Variants in SLC6A11 observed in about 807,000 individuals in gnomAD.
SLC6A11 encodes solute carrier family 6 member 11.
Under a neutral mutation model 74.8 loss-of-function variants are expected in SLC6A11, and 25 were observed. That is an observed-to-expected ratio of 0.33 (90% confidence interval 0.24 to 0.47). The LOEUF is 0.47. SLC6A11 is among the 20% of genes least tolerant of loss of function. SLC6A11 has a pLI of 1.00. For missense variants in SLC6A11, 574 were observed against 837.0 expected (o/e 0.69, Z 3.88); for synonymous variants, 330 against 330.2 (o/e 1.00, Z 0.01).
At chr3:10,927,510 C>G (rs1695625114) in intron 9 of SLC6A11, among the ~76,000 whole-genome samples, 1 of 152,246 alleles carries the variant, frequency 6.6e-6, no homozygotes, top group Non-Finnish European at 1.5e-5. Context: ...AACTGAGGTT[C>G]AGAGATACTG....
chr3:10,861,728 C>T (rs6795890), intron 5 of SLC6A11, among the ~76,000 whole-genome samples: 11,418 of 152,058 alleles, frequency 0.075, 544 homozygotes, highest in African/African-American at 0.14. Flanking sequence ...GGGATGGCTG[C>T]CAAGTAGAGA....
At position 10,905,768 on chromosome 3, in the gene SLC6A11, A is replaced by G. The variant is rs1575697212; in HGVS notation, c.892-6322A>G. Among the ~76,000 whole-genome samples the G allele has an allele frequency of 3.3e-5, 5 of 152,252 alleles. No individual in the cohort carries two copies. In the South Asian group the frequency reaches 8.3e-4, roughly 25 times the overall value. On this transcript the variant is annotated intron_variant, in intron 6 of 13. Coordinates refer to ENST00000254488, the MANE Select transcript of SLC6A11 (RefSeq NM_014229.3). ...TGCAGACTCCATGTAAAGACATCCC[A>G]TGGTTCTTCATGGGATGTTTTCAAG...
intron 4 of SLC6A11, among the ~76,000 whole-genome samples, chr3:10,835,443 T>G (rs7617750): frequency 0.043 from 6,496 of 152,302 alleles, 477 homozygotes; most frequent in African/African-American, 0.15. Flanking sequence ...CACCTTCCCC[T>G]TATGCACTTT....
chr3:10,851,476 A>AT (rs1694575278), intron 5 of SLC6A11, among the ~76,000 whole-genome samples: 1 of 151,536 alleles, frequency 6.6e-6, no homozygotes, highest in Non-Finnish European at 1.5e-5. Flanking sequence ...CCTTGAATTG[A>AT]TTTTTTTCTT....
At chr3:10,892,569 C>CT (rs538633528) in intron 6 of SLC6A11, among the ~76,000 whole-genome samples, 8,609 of 137,910 alleles carry the variant, frequency 0.062, 679 homozygotes, top group African/African-American at 0.18. Context: ...CACTGTCTTC[C>CT]TTTTTTTTTT....
At chr3:10,910,624 C>A (rs903470341) in intron 6 of SLC6A11, among the ~76,000 whole-genome samples, 5 of 151,988 alleles carry the variant, frequency 3.3e-5, no homozygotes, top group African/African-American at 1.2e-4. Context: ...ACACCACAGG[C>A]CTTCTGAGGC....
intron 5 of SLC6A11, among the ~76,000 whole-genome samples, chr3:10,856,326 G>A (rs1190821351): frequency 6.6e-6 from 1 of 152,220 alleles, no homozygotes; most frequent in Admixed American, 6.5e-5. Flanking sequence ...ATGATGGGAA[G>A]AGCAAGTCCC....
At chr3:10,912,280 C>G in intron 7 of SLC6A11, 87 bp downstream of exon 7, 1 of 887,310 alleles carries the variant, frequency 1.1e-6, no homozygotes, top group Non-Finnish European at 1.9e-6. Flanking sequence ...TGTCTGCCCA[C>G]CTTGCAGGGC....
chr3:10,902,847 G>A (rs555022181), intron 6 of SLC6A11, among the ~76,000 whole-genome samples: 5 of 152,264 alleles, frequency 3.3e-5, no homozygotes, highest in Non-Finnish European at 5.9e-5. Flanking sequence ...GACTCCTCAC[G>A]CTGGCCAGTG....
At chr3:10,833,851 A>C (rs186416900) in intron 4 of SLC6A11, among the ~76,000 whole-genome samples, 1 of 152,382 alleles carries the variant, frequency 6.6e-6, no homozygotes, top group Admixed American at 6.5e-5. Flanking sequence ...AAAATTAGCC[A>C]GACGGGTATT....
rs1221845443 is a variant in SLC6A11 at position 10,915,962 on chromosome 3, G to A, written c.996-2367G>A. ...AGCAAAAGCATGGGCTTTGATCTAT[G>A]TGACTCATCTCCCTCAGCCTCAGGA... On this transcript the variant is annotated intron_variant, in intron 7 of 13. Transcript: ENST00000254488. The surrounding 1 kb of genome is among the most constrained non-coding windows in gnomAD (Gnocchi z 4.3). 1.3e-5 allele frequency among the ~76,000 whole-genome samples: 2 copies of A among 152,194 alleles called. No homozygotes were observed. The highest frequency in any genetic ancestry group is 2.4e-5 in the African/African-American group (1 of 41,450).
At position 10,823,312 on chromosome 3, in the gene SLC6A11, G is replaced by T. The variant is rs1694161452; in HGVS notation, c.543G>T (p.Val181=). The T allele has an allele frequency of 1.2e-6, 2 of 1,609,562 alleles. No homozygotes were observed. The highest frequency in any genetic ancestry group is 1.1e-5 in the South Asian group (1 of 90,956). The change falls in exon 4 of 14, where the codon GTG becomes GTT. Residue 181 remains valine, a synonymous_variant. Transcript: ENST00000254488. ...TTGTTTCCACTGTAGAGAATTGTGT[G>T]GAGTTCCAGAAACTGAATGTGAGCA... The part of the protein sequence containing the change: ...CGHEWNTENC[V]EFQKLNVSNY...
At chr3:10,871,548 G>T (rs1242369879) in intron 5 of SLC6A11, among the ~76,000 whole-genome samples, 2 of 152,064 alleles carry the variant, frequency 1.3e-5, no homozygotes, top group Admixed American at 1.3e-4. Context: ...GGTTGGGGGG[G>T]AGGGGGTGAT....
intron 6 of SLC6A11, among the ~76,000 whole-genome samples, chr3:10,884,696 A>T (rs540163668): frequency 6.6e-6 from 1 of 152,250 alleles, no homozygotes; most frequent in East Asian, 1.9e-4. Context: ...AACCTATGTG[A>T]CAACTTTGCA....
intron 5 of SLC6A11, among the ~76,000 whole-genome samples, chr3:10,851,086 G>C (rs1033254597): frequency 2.0e-5 from 3 of 152,250 alleles, no homozygotes; most frequent in East Asian, 1.9e-4. Context: ...CGGACAGTCA[G>C]AGTGTCCCCC....
chr3:10,846,783 C>G (rs567822368), intron 5 of SLC6A11, among the ~76,000 whole-genome samples: 1 of 152,310 alleles, frequency 6.6e-6, no homozygotes, highest in East Asian at 1.9e-4. Flanking sequence ...GCCGCTGCCT[C>G]TACCTTACCA....
chr3:10,879,701 TTTATTGCTA>T (rs1694951694), intron 6 of SLC6A11, among the ~76,000 whole-genome samples: 1 of 152,200 alleles, frequency 6.6e-6, no homozygotes. Context: ...AAATCATGGC[TTTATTGCTA>T]TTATTGCTAG....
rs1242431838 is a variant in SLC6A11, at chr3:10,866,965, T to A, written c.757-7996T>A. 3.3e-5 allele frequency among the ~76,000 whole-genome samples: 5 copies of A among 152,206 alleles called. No homozygotes were observed. The East Asian group carries it at 9.6e-4, about 29-fold the overall frequency. On this transcript the variant is annotated intron_variant, in intron 5 of 13. Coordinates refer to ENST00000254488, the MANE Select transcript of SLC6A11 (RefSeq NM_014229.3). ...GTTAGTTGACTGCTTTAGTGTTCTT[T>A]CCTGGGAATGCAGGTAGTAGTCTCT...
At chr3:10,884,753 G>T (rs1370453467) in intron 6 of SLC6A11, among the ~76,000 whole-genome samples, 1 of 152,132 alleles carries the variant, frequency 6.6e-6, no homozygotes, top group South Asian at 2.1e-4. Context: ...TCCATTCAGC[G>T]CAGGAATCTT....
Sources: gnomAD v4.1 joint callset for allele counts (sites outside exome capture counted in the v4.1 genomes callset) on GRCh38, gnomAD v4.1.1 for gene constraint, Gnocchi (gnomAD v3.1) non-coding constraint, MANE v1.5 for transcripts, NCBI Gene and HGNC (gene_info 2026-07-23, HGNC 2026-07-21) for gene names.